Variants in CPSF2 observed in about 807,000 individuals in gnomAD.
CPSF2 encodes the protein cleavage and polyadenylation specific factor 2.
A neutral mutation model predicts 84.2 loss-of-function variants in CPSF2; 51 were observed. The observed-to-expected ratio is 0.61, with a 90% CI of 0.48 to 0.77. The LOEUF (loss-of-function observed/expected upper bound fraction) is 0.77, where lower values mean the gene tolerates loss of function less well. Ranked by LOEUF, CPSF2 falls within the 30% of genes least tolerant of loss-of-function variation. The pLI is 0.00. For synonymous variants in CPSF2, 286 were observed against 311.9 expected (o/e 0.92, Z 0.87); for missense variants, 641 against 929.4 (o/e 0.69, Z 4.03).
rs1416601735 is a variant in CPSF2 at position 92,168,556 on chromosome 14, T to TG, written c.*6813dup. ...ATTCACTCCATTTCATTTTAGCTCT[T>TG]GAAGTCAAAATGGGATTCCAAAGAG... On this transcript the variant is annotated 3_prime_UTR_variant, in exon 16 of 16. Transcript: ENST00000298875. 6.6e-6 allele frequency: 1 copy of TG among 152,138 alleles called. No homozygotes were observed. The highest frequency in any genetic ancestry group is 1.9e-4 in the East Asian group (1 of 5,192). The allele number at this position is 152,138 out of a possible 1,614,324, so 9.4% of individuals were successfully genotyped here.
intron 3 of CPSF2, among the ~76,000 whole-genome samples, chr14:92,133,512 A>G (rs2068960926): frequency 6.6e-6 from 1 of 152,046 alleles, no homozygotes; most frequent in African/African-American, 2.4e-5. Context: ...TGTCACCCAG[A>G]CTGGAGTGCA....
Position 92,155,198 on chromosome 14 carries a change from T to A in CPSF2, c.1317T>A (p.His439Gln). Reference protein sequence around the residue: ...IDQPSAHKTKHDLMMKGEGSR... With the variant: ...IDQPSAHKTKQDLMMKGEGSR... ...AGCCATCAGCTCATAAGACGAAGCA[T>A]GACTTGATGATGAAAGGTGAAGGCA... Residue 439 changes from histidine to glutamine, a missense_variant, in exon 11 of 16, where the codon CAT (histidine) becomes CAA (glutamine). Around this residue, in one of 2 missense-constraint regions of CPSF2, gnomAD observed 430 missense variants for 553.6 expected, o/e 0.78. Coordinates refer to ENST00000298875, the MANE Select transcript of CPSF2 (RefSeq NM_017437.3). 6.2e-7 allele frequency: 1 copy of A among 1,614,124 alleles called. No homozygotes were observed. Among genetic ancestry groups the A allele is most frequent in the Non-Finnish European group, 8.5e-7 (1 of 1,179,982 alleles).
intron 14 of CPSF2, among the ~76,000 whole-genome samples, chr14:92,159,863 C>G (rs1387994151): frequency 6.8e-6 from 1 of 146,730 alleles, no homozygotes; most frequent in African/African-American, 2.5e-5. Context: ...TTTTTTTGGT[C>G]TGGATTTTTA....
chr14:92,132,558 G>A (rs1415073374), intron 3 of CPSF2, among the ~76,000 whole-genome samples: 4 of 151,794 alleles, frequency 2.6e-5, no homozygotes, highest in African/African-American at 7.3e-5. Context: ...GATCACTTGA[G>A]GTCAGGAGTT....
At chr14:92,141,221 G>A (rs1555414438) in intron 7 of CPSF2, among the ~76,000 whole-genome samples, 1 of 151,790 alleles carries the variant, frequency 6.6e-6, no homozygotes, top group Non-Finnish European at 1.5e-5. Context: ...AAAAATATAA[G>A]TAAAAAAAAA....
chr14:92,161,539 C>T, intron 15 of CPSF2, 113 bp from the exon 16 acceptor site: 1 of 693,758 alleles, frequency 1.4e-6, no homozygotes. Flanking sequence ...TGAATCAGAG[C>T]AACCCATGTC....
At position 92,162,713 on chromosome 14, in the gene CPSF2, C is replaced by T. The variant is rs973930934; in HGVS notation, c.*969C>T. ...CTGAAGTTGGATAAGGTTATCCTTTCTGTATTTGCGTCTTTCTTGTGACTA... is the reference window on the plus strand; with the variant it reads ...CTGAAGTTGGATAAGGTTATCCTTTTTGTATTTGCGTCTTTCTTGTGACTA... On this transcript the variant is annotated 3_prime_UTR_variant, in exon 16 of 16. Coordinates refer to ENST00000298875, the MANE Select transcript of CPSF2 (RefSeq NM_017437.3). 1 of 152,160 alleles carries T rather than the reference C, an allele frequency of 6.6e-6. No homozygotes were observed. The highest frequency in any genetic ancestry group is 1.5e-5 in the Non-Finnish European group (1 of 68,034). 9.4% of individuals were successfully genotyped at this position (152,160 alleles called of 1,614,324 possible). A position where few individuals can be genotyped will look rare whatever the true frequency, so the allele number is the denominator to read the frequency against.
rs561355683 is a variant in CPSF2 at position 92,138,265 on chromosome 14, C to T, written c.579C>T (p.Ser193=). The change falls in exon 7 of 16, where the codon AGC becomes AGT. Residue 193 remains serine (S), a synonymous_variant. Coordinates refer to ENST00000298875, the MANE Select transcript of CPSF2 (RefSeq NM_017437.3). ...HLNGCSLEML[S]RPSLLITDSF... The stretch of plus-strand genomic sequence containing the variant: ...ATGGATGTTCCCTGGAAATGCTAAG[C>T]AGGCCTTCCCTACTTATCACAGATT... The T allele has an allele frequency of 6.9e-6, 11 of 1,604,504 alleles. No homozygotes were observed. In the African/African-American group the frequency reaches 1.1e-4, roughly 16 times the overall value.
intron 10 of CPSF2, 58 bp downstream of exon 10, chr14:92,154,516 C>A: frequency 8.5e-7 from 1 of 1,177,654 alleles, no homozygotes; most frequent in Non-Finnish European, 1.2e-6. Flanking sequence ...AGAATGTGTC[C>A]TTGACTTAAA....
At chr14:92,135,650 G>A (rs1238912663) in intron 6 of CPSF2, among the ~76,000 whole-genome samples, 154 bp downstream of exon 6, 1 of 152,172 alleles carries the variant, frequency 6.6e-6, no homozygotes, top group Non-Finnish European at 1.5e-5. Flanking sequence ...TTAATTATTT[G>A]CATAGTAAGG....
At chr14:92,160,278 A>AT (rs2069355028) in intron 14 of CPSF2, among the ~76,000 whole-genome samples, 2 of 152,130 alleles carry the variant, frequency 1.3e-5, no homozygotes, top group South Asian at 2.1e-4. Flanking sequence ...TCATACCTCC[A>AT]TTTTTTTATG....
Position 92,130,979 on chromosome 14 carries a change from A to C in CPSF2, c.-6A>C. ...CTTCTAGCTTGCTGTTTCTGGACCAAAAAAAATGACGTCTATTATCAAATT... is the reference window on the plus strand; with the variant it reads ...CTTCTAGCTTGCTGTTTCTGGACCACAAAAAATGACGTCTATTATCAAATT... On this transcript the variant is annotated 5_prime_UTR_variant, in exon 3 of 16. Transcript: ENST00000298875. 1 of 1,607,654 alleles carries C rather than the reference A, an allele frequency of 6.2e-7. No individual in the cohort carries two copies. Among genetic ancestry groups the C allele is most frequent in the Non-Finnish European group, 8.5e-7 (1 of 1,178,572 alleles).
chr14:92,133,655 G>A (rs1191560006), intron 3 of CPSF2, among the ~76,000 whole-genome samples: 3 of 149,306 alleles, frequency 2.0e-5, no homozygotes, highest in African/African-American at 7.4e-5. Flanking sequence ...TATAGAGAAC[G>A]GTGTTTTGCC....
At chr14:92,156,416 T>A in intron 11 of CPSF2, 63 bp from the exon 12 acceptor site, 1 of 1,354,214 alleles carries the variant, frequency 7.4e-7, no homozygotes, top group Non-Finnish European at 1.0e-6. Flanking sequence ...CACCTACTAG[T>A]CATATATGTT....
At chr14:92,123,943 T>C (rs1595046778) in intron 1 of CPSF2, among the ~76,000 whole-genome samples, 2 of 152,170 alleles carry the variant, frequency 1.3e-5, no homozygotes, top group South Asian at 2.1e-4. Flanking sequence ...TATAACAAAA[T>C]AACTAACTTT....
At chr14:92,143,375 A>G (rs1041512366) in intron 9 of CPSF2, 81 bp downstream of exon 9, 14 of 961,654 alleles carry the variant, frequency 1.5e-5, no homozygotes, top group Non-Finnish European at 2.2e-5. Flanking sequence ...GTGACCAAAA[A>G]TAAAACTTGA....
At chr14:92,130,329 T>G (rs1247755749) in intron 2 of CPSF2, among the ~76,000 whole-genome samples, 1 of 152,130 alleles carries the variant, frequency 6.6e-6, no homozygotes, top group Non-Finnish European at 1.5e-5. Flanking sequence ...TTTATCAGAT[T>G]CTCAAGGGGA....
chr14:92,154,286 C>T (rs1314311183), intron 9 of CPSF2, 72 bp from the exon 10 acceptor site: 3 of 1,025,230 alleles, frequency 2.9e-6, no homozygotes, highest in South Asian at 3.4e-5. Flanking sequence ...TGTGATGTAT[C>T]TCATATCCCA....
At chr14:92,123,420 C>A (rs1029174726) in intron 1 of CPSF2, among the ~76,000 whole-genome samples, 1 of 145,870 alleles carries the variant, frequency 6.9e-6, no homozygotes, top group African/African-American at 2.6e-5. Context: ...TTATTTGAGA[C>A]CGGGTCTCGC....
Sources: allele counts gnomAD v4.1 joint callset (sites outside exome capture counted in the v4.1 genomes callset), GRCh38; gene constraint gnomAD v4.1.1; regional missense constraint gnomAD v4.1.1; transcripts MANE v1.5; gene names NCBI Gene and HGNC (gene_info 2026-07-23, HGNC 2026-07-21).